The following CDC14A variants were observed in gnomAD, a reference collection of about 807,000 sequenced individuals.
CDC14A encodes dual specificity protein phosphatase CDC14A.
In CDC14A, 53 loss-of-function variants were observed where a neutral mutation model predicts 74.4. That is an observed-to-expected ratio of 0.71 (90% confidence interval 0.57 to 0.89). The LOEUF is 0.89. Ranked by LOEUF, CDC14A falls within the 40% of genes least tolerant of loss-of-function variation. CDC14A has a pLI of 0.00. For missense variants in CDC14A, 646 were observed against 713.7 expected, an observed-to-expected ratio of 0.91 and a Z score of 1.08; for synonymous variants, 247 against 258.4, an observed-to-expected ratio of 0.96 and a Z score of 0.43.
At chr1:100,392,447 G>A (rs1043480086) in intron 4 of CDC14A, among the ~76,000 whole-genome samples, 4 of 150,720 alleles carry the variant, frequency 2.7e-5, no homozygotes, top group African/African-American at 9.8e-5. Flanking sequence ...GCCACTCTTC[G>A]CACGTCTTTC....
intron 6 of CDC14A, among the ~76,000 whole-genome samples, chr1:100,442,311 A>G (rs1665026978): frequency 6.8e-6 from 1 of 147,118 alleles, no homozygotes; most frequent in Non-Finnish European, 1.5e-5. Context: ...TATGTATTGT[A>G]TATATAAATA....
At chr1:100,409,443 G>A (rs1571100506) in intron 4 of CDC14A, among the ~76,000 whole-genome samples, 1 of 152,036 alleles carries the variant, frequency 6.6e-6, no homozygotes, top group African/African-American at 2.4e-5. Context: ...GCATTAACTC[G>A]AAAGTCCATA....
chr1:100,370,712 G>A (rs1314379089), intron 2 of CDC14A, among the ~76,000 whole-genome samples: 2 of 152,162 alleles, frequency 1.3e-5, no homozygotes, highest in East Asian at 1.9e-4. Flanking sequence ...GGTTATTATA[G>A]CCTTAGAGTA....
intron 4 of CDC14A, among the ~76,000 whole-genome samples, chr1:100,416,413 G>A (rs1639030692): frequency 6.6e-6 from 1 of 152,152 alleles, no homozygotes; most frequent in South Asian, 2.1e-4. Context: ...TAATGGGTTT[G>A]GTAAAGCAGG....
intron 4 of CDC14A, among the ~76,000 whole-genome samples, chr1:100,391,391 GC>G (rs1657681062): frequency 6.6e-6 from 1 of 152,150 alleles, no homozygotes; most frequent in African/African-American, 2.4e-5. Flanking sequence ...TTTGTTCTCT[GC>G]AGACACTAAC....
chr1:100,484,643 A>G (rs1669851435), intron 11 of CDC14A, 192 bp downstream of exon 11: 1 of 1,179,356 alleles, frequency 8.5e-7, no homozygotes, highest in African/African-American at 1.6e-5. Context: ...AAAAAAAGCT[A>G]TAATTTAAGG....
At chr1:100,478,036 C>T (rs968675439) in intron 10 of CDC14A, among the ~76,000 whole-genome samples, 1 of 152,096 alleles carries the variant, frequency 6.6e-6, no homozygotes, top group Non-Finnish European at 1.5e-5. Context: ...TCCTTTGTTA[C>T]AGTCTGAAAT....
chr1:100,492,150 A>ATTCTCACAG (rs1670770071), intron 11 of CDC14A, among the ~76,000 whole-genome samples: 2 of 152,212 alleles, frequency 1.3e-5, no homozygotes, highest in African/African-American at 4.8e-5. Context: ...TTCACAATAG[A>ATTCTCACAG]ATGAGAGAAA....
At chr1:100,467,847 A>G (rs752016605) in intron 9 of CDC14A, 109 bp from the exon 10 acceptor site, 1 of 1,066,016 alleles carries the variant, frequency 9.4e-7, no homozygotes, top group East Asian at 2.7e-5. Context: ...TGTTGATAAT[A>G]TCATCACACT....
At chr1:100,462,331 C>T (rs1667391164) in intron 8 of CDC14A, 1 of 331,642 alleles carries the variant, frequency 3.0e-6, no homozygotes, top group Non-Finnish European at 5.8e-6. Context: ...GTCTGTTATG[C>T]ACATTTGATT....
In CDC14A at chr1:100,352,891, C is replaced by T. The variant is rs1194372845; in HGVS notation, c.-64C>T. 49 of 1,611,480 alleles carry T rather than the reference C, an allele frequency of 3.0e-5. No homozygotes were observed. Among genetic ancestry groups the T allele is most frequent in the Middle Eastern group, 4.0e-4 (2 of 4,940 alleles). On this transcript the variant is annotated 5_prime_UTR_variant, in exon 1 of 16. Transcript: ENST00000336454. Reference sequence around the variant, plus strand: ...CCTGGCTCCTGGGCAGTGGGGAAGCCCCCGGGGGCGAGTGACTTCAGCTGG... The same window carrying T: ...CCTGGCTCCTGGGCAGTGGGGAAGCTCCCGGGGGCGAGTGACTTCAGCTGG...
chr1:100,365,360 G>A (rs958660064), intron 2 of CDC14A, among the ~76,000 whole-genome samples: 1 of 152,220 alleles, frequency 6.6e-6, no homozygotes, highest in Non-Finnish European at 1.5e-5. Flanking sequence ...AGTAGACCTT[G>A]AGAAACATTT....
rs187625057 is a variant in CDC14A, at chr1:100,467,560, A to G, written c.839-396A>G. On this transcript the variant is annotated intron_variant, in intron 9 of 15. Transcript: ENST00000336454. ...GTGACCCAGTCCTAATGGATTTCTAATTGAGCTTTACATCTTTGTTGCAGT... is the reference window on the plus strand; with the variant it reads ...GTGACCCAGTCCTAATGGATTTCTAGTTGAGCTTTACATCTTTGTTGCAGT... Among the ~76,000 whole-genome samples the G allele has an allele frequency of 1.5e-3, 227 of 152,162 alleles. 2 individuals are homozygous for G. The highest frequency in any genetic ancestry group is 5.4e-3 in the African/African-American group (225 of 41,508).
intron 15 of CDC14A, among the ~76,000 whole-genome samples, chr1:100,512,907 A>G (rs1282345280): frequency 6.6e-6 from 1 of 152,204 alleles, no homozygotes; most frequent in African/African-American, 2.4e-5. Flanking sequence ...AATATGTATC[A>G]TATTAACAGA....
intron 10 of CDC14A, among the ~76,000 whole-genome samples, chr1:100,483,029 T>C (rs1243418859): frequency 6.6e-6 from 1 of 152,174 alleles, no homozygotes; most frequent in African/African-American, 2.4e-5. Flanking sequence ...TCTTTGCTAT[T>C]GTGAATAGTG....
At chr1:100,427,224 A>G (rs1663065274) in intron 5 of CDC14A, among the ~76,000 whole-genome samples, 1 of 152,208 alleles carries the variant, frequency 6.6e-6, no homozygotes, top group South Asian at 2.1e-4. Flanking sequence ...CTTTTAATTA[A>G]AAATGAGAAG....
At chr1:100,354,693 G>A (rs1239296389) in intron 2 of CDC14A, among the ~76,000 whole-genome samples, 1 of 152,230 alleles carries the variant, frequency 6.6e-6, no homozygotes, top group Non-Finnish European at 1.5e-5. Context: ...TATGAAAAGA[G>A]CTGGTGTTTC....
At chr1:100,476,534 G>A in intron 10 of CDC14A, among the ~76,000 whole-genome samples, 1 of 151,822 alleles carries the variant, frequency 6.6e-6, no homozygotes, top group East Asian at 1.9e-4. Flanking sequence ...AAAACTCGAG[G>A]AACTCACCAC....
Position 100,393,518 on chromosome 1 carries a change from A to C in CDC14A, c.309+2694A>C, listed in dbSNP as rs11552349. ...TCTCAAATTCATTTCTCATCATGTC[A>C]GTTTCAAAAGCAGAATAATCCAGGA... On this transcript the variant is annotated intron_variant, in intron 4 of 15. Coordinates refer to ENST00000336454, the MANE Select transcript of CDC14A (RefSeq NM_003672.4). The C allele has an allele frequency of 5.2e-6, 4 of 762,200 alleles. No homozygotes were observed. In the African/African-American group the frequency reaches 6.8e-5, roughly 13 times the overall value. The allele number at this position is 762,200 out of a possible 1,614,324, so 47.2% of individuals were successfully genotyped here. A position where few individuals can be genotyped will look rare whatever the true frequency, so the allele number is the denominator to read the frequency against.
Sources: allele counts gnomAD v4.1 joint callset (sites outside exome capture counted in the v4.1 genomes callset), GRCh38; gene constraint gnomAD v4.1.1; transcripts MANE v1.5; gene names NCBI Gene and HGNC (gene_info 2026-07-23, HGNC 2026-07-21).